TMEM178B: variants seen among roughly 807,000 people sequenced by gnomAD.
The protein encoded by TMEM178B is transmembrane protein 178B.
TMEM178B carries 5 observed loss-of-function variants against 31.0 expected under a neutral mutation model. The ratio of observed to expected loss-of-function variants is 0.16; its 90% CI spans 0.08 to 0.34. The LOEUF (loss-of-function observed/expected upper bound fraction) is 0.34. TMEM178B is among the 10% of genes least tolerant of loss of function. The pLI is 1.00. For missense variants in TMEM178B, 275 were observed against 400.3 expected, an observed-to-expected ratio of 0.69 and a Z score of 2.67; for synonymous variants, 164 against 164.0, an observed-to-expected ratio of 1.00 and a Z score of 0.00.
intron 2 of TMEM178B, among the ~76,000 whole-genome samples, chr7:141,381,797 T>C (rs1488454822): frequency 6.6e-6 from 1 of 152,172 alleles, no homozygotes; most frequent in Non-Finnish European, 1.5e-5. Flanking sequence ...CATTTTCTAT[T>C]TTATCTGAGG....
At chr7:141,145,333 A>C (rs980756588) in intron 1 of TMEM178B, among the ~76,000 whole-genome samples, 1 of 151,960 alleles carries the variant, frequency 6.6e-6, no homozygotes, top group African/African-American at 2.4e-5. Flanking sequence ...CCTCAGATCC[A>C]CCTCTTCCCT....
chr7:141,386,309 A>G (rs566660766), intron 2 of TMEM178B, among the ~76,000 whole-genome samples: 6 of 152,232 alleles, frequency 3.9e-5, no homozygotes, highest in Admixed American at 3.9e-4. Flanking sequence ...CCTTGCAGAA[A>G]CTTCGGCAGT....
chr7:141,293,551 T>C (rs1300070360), intron 2 of TMEM178B, among the ~76,000 whole-genome samples: 1 of 152,138 alleles, frequency 6.6e-6, no homozygotes, highest in Admixed American at 6.5e-5. Flanking sequence ...AAGAGTGGGA[T>C]GCAGGCAGAG....
chr7:141,398,838 A>G (rs114565619), intron 2 of TMEM178B, among the ~76,000 whole-genome samples: 2,400 of 152,280 alleles, frequency 0.016, 74 homozygotes, highest in African/African-American at 0.054. Flanking sequence ...CGCCAAGATC[A>G]TCAAGCTAGG....
chr7:141,100,270 A>G (rs907626594), intron 1 of TMEM178B, among the ~76,000 whole-genome samples: 3 of 151,314 alleles, frequency 2.0e-5, no homozygotes, highest in Admixed American at 1.3e-4. Context: ...CACGTATTCT[A>G]TAATATAGCT....
intron 1 of TMEM178B, among the ~76,000 whole-genome samples, chr7:141,166,797 C>G (rs1796269431): frequency 6.6e-6 from 1 of 152,204 alleles, no homozygotes; most frequent in Non-Finnish European, 1.5e-5. Flanking sequence ...GACAGCTTCT[C>G]CTGCAGATGT....
At position 141,074,334 on chromosome 7, in the gene TMEM178B, C is replaced by A; in HGVS notation, c.24C>A (p.Leu8=). 6.5e-7 allele frequency: 1 copy of A among 1,535,540 alleles called. No individual in the cohort carries two copies. The highest frequency in any genetic ancestry group is 8.7e-7 in the Non-Finnish European group (1 of 1,146,536). Residue 8 remains leucine, a synonymous_variant, in exon 1 of 4, where the codon CTC becomes CTA. Transcript: ENST00000565468. This position sits in a 1 kb window ranked among gnomAD's most constrained non-coding sequence, Gnocchi z 5.1. MAAGRLL[L]YTGLSLALCA... ...GCATGGCTGCCGGAAGGTTACTGCTCTACACTGGCCTCTCGCTAGCGCTCT... is the reference window on the plus strand; with the variant it reads ...GCATGGCTGCCGGAAGGTTACTGCTATACACTGGCCTCTCGCTAGCGCTCT...
intron 1 of TMEM178B, among the ~76,000 whole-genome samples, chr7:141,075,771 A>G (rs527701501): frequency 3.3e-5 from 5 of 152,212 alleles, no homozygotes; most frequent in Non-Finnish European, 7.3e-5. Flanking sequence ...TATTATTTGC[A>G]AAGTTTTTAA....
rs146591817 is a variant in TMEM178B, at chr7:141,461,468, T to A, written c.635-9068T>A. Reference sequence around the variant, plus strand: ...TGGGCATAACTTGGTCACATAAGGATTAGATATTTGGGCAAATGCCTGTGC... The same window carrying A: ...TGGGCATAACTTGGTCACATAAGGAATAGATATTTGGGCAAATGCCTGTGC... On this transcript the variant is annotated intron_variant, in intron 3 of 3. Transcript: ENST00000565468. The surrounding 1 kb of genome is among the most constrained non-coding windows in gnomAD (Gnocchi z 4.0). 7.4e-4 allele frequency among the ~76,000 whole-genome samples: 113 copies of A among 152,336 alleles called. No individual in the cohort carries two copies. Among genetic ancestry groups the A allele is most frequent in the African/African-American group, 2.6e-3 (107 of 41,576 alleles).
chr7:141,241,695 T>TAA, intron 2 of TMEM178B, among the ~76,000 whole-genome samples: 1 of 152,270 alleles, frequency 6.6e-6, no homozygotes, highest in South Asian at 2.1e-4. Flanking sequence ...CAGACCTCTT[T>TAA]AAAGGAGCTT....
intron 1 of TMEM178B, among the ~76,000 whole-genome samples, chr7:141,095,261 C>T (rs1794938899): frequency 2.0e-5 from 3 of 152,136 alleles, no homozygotes; most frequent in African/African-American, 7.2e-5. Context: ...TCCCCATTGC[C>T]TTCTACTCAG....
At chr7:141,174,129 C>T (rs1250949559) in intron 1 of TMEM178B, among the ~76,000 whole-genome samples, 1 of 152,084 alleles carries the variant, frequency 6.6e-6, no homozygotes, top group African/African-American at 2.4e-5. Flanking sequence ...CACCCCCTGA[C>T]AGGCCCCAGT....
At chr7:141,375,809 G>A (rs1412055195) in intron 2 of TMEM178B, among the ~76,000 whole-genome samples, 4 of 152,196 alleles carry the variant, frequency 2.6e-5, no homozygotes, top group African/African-American at 9.6e-5. Flanking sequence ...TACAAGGGGA[G>A]ATCATTTTTG....
intron 1 of TMEM178B, among the ~76,000 whole-genome samples, chr7:141,145,450 C>G (rs1442618434): frequency 2.6e-5 from 4 of 152,140 alleles, no homozygotes; most frequent in Non-Finnish European, 5.9e-5. Context: ...TTCCTGGAAA[C>G]TCTATTTTAA....
chr7:141,469,737 A>C (rs1210471752), intron 3 of TMEM178B, among the ~76,000 whole-genome samples: 1 of 152,242 alleles, frequency 6.6e-6, no homozygotes, highest in Non-Finnish European at 1.5e-5. Context: ...TTATAATTCT[A>C]AACCATTTTA....
At chr7:141,120,710 C>G (rs1795394036) in intron 1 of TMEM178B, among the ~76,000 whole-genome samples, 1 of 151,994 alleles carries the variant, frequency 6.6e-6, no homozygotes, top group Non-Finnish European at 1.5e-5. Context: ...AATCCCAATA[C>G]TTTGGGAGGC....
At chr7:141,199,803 G>A (rs1009888500) in intron 1 of TMEM178B, among the ~76,000 whole-genome samples, 1 of 152,182 alleles carries the variant, frequency 6.6e-6, no homozygotes, top group African/African-American at 2.4e-5. Context: ...TGTAATCCCA[G>A]CACTTTGGGA....
chr7:141,343,189 G>C (rs1337002702), intron 2 of TMEM178B, among the ~76,000 whole-genome samples: 1 of 151,844 alleles, frequency 6.6e-6, no homozygotes, highest in African/African-American at 2.4e-5. Context: ...GACCGTGTAG[G>C]TCTGATTCAT....
At chr7:141,421,977 T>G (rs1299795814) in intron 2 of TMEM178B, among the ~76,000 whole-genome samples, 2 of 152,194 alleles carry the variant, frequency 1.3e-5, no homozygotes, top group Non-Finnish European at 2.9e-5. Flanking sequence ...TTGTAGGTAT[T>G]AAAATTTGAT....
Sources: gnomAD v4.1 joint callset for allele counts (sites outside exome capture counted in the v4.1 genomes callset) on GRCh38, gnomAD v4.1.1 for gene constraint, Gnocchi (gnomAD v3.1) non-coding constraint, MANE v1.5 for transcripts, NCBI Gene and HGNC (gene_info 2026-07-23, HGNC 2026-07-21) for gene names.